Variants in TRHDE observed in about 807,000 individuals in gnomAD.
The protein encoded by TRHDE is thyrotropin releasing hormone degrading enzyme.
In TRHDE, 72 loss-of-function variants were observed where a neutral mutation model predicts 125.7. The ratio of observed to expected loss-of-function variants is 0.57; its 90% CI spans 0.47 to 0.70. TRHDE has a LOEUF of 0.70. Ranked by LOEUF, TRHDE falls within the 30% of genes least tolerant of loss-of-function variation. TRHDE has a pLI of 0.00. For missense variants in TRHDE, 1,110 were observed against 1,327.1 expected, an observed-to-expected ratio of 0.84 and a Z score of 2.54; for synonymous variants, 509 against 509.1, an observed-to-expected ratio of 1.00 and a Z score of 0.00.
intron 2 of TRHDE, among the ~76,000 whole-genome samples, chr12:72,337,351 C>T (rs1869874043): frequency 1.3e-5 from 2 of 152,182 alleles, no homozygotes; most frequent in African/African-American, 4.8e-5. Context: ...TTCAGGCACT[C>T]ACCCTTCTGG....
At chr12:72,516,724 G>C (rs1272424540) in intron 6 of TRHDE, among the ~76,000 whole-genome samples, 2 of 150,954 alleles carry the variant, frequency 1.3e-5, no homozygotes, top group Non-Finnish European at 3.0e-5. Context: ...TCTTGTGCCA[G>C]TTTTCAAAGG....
At chr12:72,106,063 G>A (rs1047639760) in intron 2 of TRHDE, among the ~76,000 whole-genome samples, 1 of 152,084 alleles carries the variant, frequency 6.6e-6, no homozygotes, top group African/African-American at 2.4e-5. Context: ...AATGTGGCCT[G>A]GGGAGTAACC....
intron 5 of TRHDE, among the ~76,000 whole-genome samples, chr12:72,485,869 A>G (rs1877380816): frequency 6.6e-6 from 1 of 152,096 alleles, no homozygotes; most frequent in South Asian, 2.1e-4. Flanking sequence ...GGGAGTGGTC[A>G]TTGCTGCACT....
rs1879350757 is a variant in TRHDE, at chr12:72,273,573, G to GTGCCCCGCGC, written c.914+23_914+32dup. The GTGCCCCGCGC allele has an allele frequency of 1.3e-6, 2 of 1,567,900 alleles. No homozygotes were observed. The highest frequency in any genetic ancestry group is 2.7e-5 in the African/African-American group (2 of 74,306). The stretch of plus-strand genomic sequence containing the variant: ...GGGAGAGAAGGTATGGAGGGAGGCG[G>GTGCCCCGCGC]TGCCCCGCGCTGCCCCACCCCGGCG... On this transcript the variant is annotated intron_variant, in intron 1 of 18. Coordinates refer to ENST00000261180, the MANE Select transcript of TRHDE (RefSeq NM_013381.3). This position sits in a 1 kb window ranked among gnomAD's most constrained non-coding sequence, Gnocchi z 5.3.
At chr12:72,565,364 G>C (rs1870390665) in intron 9 of TRHDE, among the ~76,000 whole-genome samples, 1 of 152,102 alleles carries the variant, frequency 6.6e-6, no homozygotes, top group South Asian at 2.1e-4. Flanking sequence ...AGAGAATCCA[G>C]TAATTATATT....
chr12:72,606,514 A>G (rs1872452582), intron 12 of TRHDE, among the ~76,000 whole-genome samples: 1 of 152,160 alleles, frequency 6.6e-6, no homozygotes, highest in Non-Finnish European at 1.5e-5. Flanking sequence ...TTAACTCACG[A>G]TGACGCTGGA....
intron 2 of TRHDE, among the ~76,000 whole-genome samples, chr12:72,339,975 C>T (rs1187007520): frequency 2.0e-5 from 3 of 152,190 alleles, no homozygotes; most frequent in African/African-American, 7.2e-5. Context: ...TGTGACAACA[C>T]TGAAGAAACT....
chr12:72,245,332 T>C (rs1196709863), intron 2 of TRHDE, among the ~76,000 whole-genome samples: 10 of 151,776 alleles, frequency 6.6e-5, no homozygotes, highest in Admixed American at 4.6e-4. Flanking sequence ...GATATAGATA[T>C]AGATAAGAAT....
chr12:72,255,027 T>C (rs1878775010), intron 2 of TRHDE: 1 of 152,246 alleles, frequency 6.6e-6, no homozygotes, highest in Non-Finnish European at 1.5e-5. Flanking sequence ...CCTCCAACAC[T>C]CCACTGAGAC....
intron 15 of TRHDE, among the ~76,000 whole-genome samples, chr12:72,629,824 A>G (rs1873406450): frequency 6.6e-6 from 1 of 151,492 alleles, no homozygotes; most frequent in South Asian, 2.1e-4. Context: ...TCCTTCAACA[A>G]CACTAATATT....
intron 2 of TRHDE, among the ~76,000 whole-genome samples, chr12:72,238,108 G>A (rs1878371694): frequency 1.3e-5 from 2 of 151,258 alleles, no homozygotes. Flanking sequence ...TCCAAGGGGT[G>A]ACATGACTTG....
intron 3 of TRHDE, among the ~76,000 whole-genome samples, chr12:72,438,146 A>G (rs1270595039): frequency 1.3e-5 from 2 of 151,742 alleles, no homozygotes; most frequent in Non-Finnish European, 3.0e-5. Context: ...TTCATTGTGT[A>G]TATATACCAT....
intron 2 of TRHDE, among the ~76,000 whole-genome samples, chr12:72,184,100 G>T (rs1565657267): frequency 6.6e-6 from 1 of 152,136 alleles, no homozygotes; most frequent in African/African-American, 2.4e-5. Context: ...AAAATCAAAG[G>T]TTGTGCAGGC....
intron 2 of TRHDE, among the ~76,000 whole-genome samples, chr12:72,184,285 T>C (rs1005136188): frequency 5.9e-5 from 9 of 152,162 alleles, no homozygotes; most frequent in African/African-American, 1.4e-4. Flanking sequence ...TAACTTTTTC[T>C]TGCAATCCAT....
chr12:72,448,703 G>A (rs192021641), intron 3 of TRHDE, among the ~76,000 whole-genome samples: 2 of 151,612 alleles, frequency 1.3e-5, no homozygotes, highest in African/African-American at 4.8e-5. Context: ...GCTATTACAG[G>A]TTAGCCCAAT....
chr12:72,355,285 T>C (rs1870763175), intron 2 of TRHDE, among the ~76,000 whole-genome samples: 1 of 151,504 alleles, frequency 6.6e-6, no homozygotes, highest in South Asian at 2.1e-4. Flanking sequence ...GGTTGGGGTT[T>C]ATGGAGAGTT....
intron 2 of TRHDE, among the ~76,000 whole-genome samples, chr12:72,159,860 A>G (rs1876597492): frequency 6.6e-6 from 1 of 151,014 alleles, no homozygotes; most frequent in East Asian, 2.0e-4. Flanking sequence ...TCTTTTTTCT[A>G]ATTTCTTTCC....
intron 2 of TRHDE, among the ~76,000 whole-genome samples, chr12:72,115,678 G>T (rs758808998): frequency 5.9e-5 from 9 of 152,080 alleles, no homozygotes; most frequent in Non-Finnish European, 1.2e-4. Flanking sequence ...AGTGTACAAT[G>T]GTTCCCTTTC....
At chr12:72,588,088 C>T (rs73353882) in intron 12 of TRHDE, among the ~76,000 whole-genome samples, 7 of 152,030 alleles carry the variant, frequency 4.6e-5, no homozygotes, top group East Asian at 1.9e-4. Flanking sequence ...AAATAAAGAT[C>T]GTAAGAAGCA....
Sources: gnomAD v4.1 joint callset for allele counts (sites outside exome capture counted in the v4.1 genomes callset) on GRCh38, gnomAD v4.1.1 for gene constraint, Gnocchi (gnomAD v3.1) non-coding constraint, MANE v1.5 for transcripts, NCBI Gene and HGNC (gene_info 2026-07-23, HGNC 2026-07-21) for gene names.